EBF2: variants seen among roughly 807,000 people sequenced by gnomAD.
EBF2 encodes the protein EBF transcription factor 2, also known as transcription factor COE2.
A neutral mutation model predicts 72.8 loss-of-function variants in EBF2; 21 were observed. That is an observed-to-expected ratio of 0.29 (90% confidence interval 0.20 to 0.42). The LOEUF (loss-of-function observed/expected upper bound fraction) is 0.42, where lower values mean the gene tolerates loss of function less well. EBF2 is among the 10% of genes least tolerant of loss of function. EBF2 has a pLI of 1.00. For synonymous variants in EBF2, 299 were observed against 274.2 expected (o/e 1.09, Z -0.89); for missense variants, 637 against 731.2 (o/e 0.87, Z 1.49).
At chr8:25,881,250 C>A (rs1038318822) in intron 10 of EBF2, among the ~76,000 whole-genome samples, 3 of 152,242 alleles carry the variant, frequency 2.0e-5, no homozygotes, top group Admixed American at 1.3e-4. Flanking sequence ...AAAAAACAAG[C>A]CTTAATGTGA....
At chr8:25,965,083 A>C (rs1184682083) in intron 6 of EBF2, among the ~76,000 whole-genome samples, 1 of 152,214 alleles carries the variant, frequency 6.6e-6, no homozygotes, top group Non-Finnish European at 1.5e-5. Context: ...TTTGGTATTA[A>C]AACATATATA....
chr8:25,858,045 T>C, intron 14 of EBF2: 3 of 587,922 alleles, frequency 5.1e-6, no homozygotes, highest in Non-Finnish European at 9.6e-6. Context: ...TCTTAATTCC[T>C]TGCTTCCACT....
chr8:25,916,886 C>T (rs1361242426), intron 6 of EBF2, among the ~76,000 whole-genome samples: 1 of 152,160 alleles, frequency 6.6e-6, no homozygotes, highest in African/African-American at 2.4e-5. Context: ...AGAGCTCCTT[C>T]ATCACTCAAC....
chr8:25,858,179 G>A (rs750225397), intron 14 of EBF2, 140 bp downstream of exon 14: 95 of 1,066,498 alleles, frequency 8.9e-5, no homozygotes, highest in Non-Finnish European at 9.6e-5. Flanking sequence ...CGAAAGGCAG[G>A]AAGGATGCTT....
intron 6 of EBF2, among the ~76,000 whole-genome samples, chr8:25,928,355 C>A (rs1377650604): frequency 2.0e-5 from 3 of 152,130 alleles, no homozygotes; most frequent in Non-Finnish European, 4.4e-5. Context: ...AGCAAGAGAA[C>A]CCATGCAGAT....
intron 6 of EBF2, among the ~76,000 whole-genome samples, chr8:25,960,907 T>C (rs1030786467): frequency 6.6e-6 from 1 of 152,222 alleles, no homozygotes; most frequent in African/African-American, 2.4e-5. Context: ...TGGGTGAGAA[T>C]AATGCTACTG....
At chr8:25,878,298 CCTGCAGTGAAGCA>C (rs1415425360) in intron 10 of EBF2, among the ~76,000 whole-genome samples, 1 of 152,154 alleles carries the variant, frequency 6.6e-6, no homozygotes, top group Non-Finnish European at 1.5e-5. Flanking sequence ...GGAGCACTGT[CCTGCAGTGAAGCA>C]CTCCAGGCGT....
intron 7 of EBF2, among the ~76,000 whole-genome samples, chr8:25,891,361 G>A (rs906036250): frequency 4.6e-5 from 7 of 151,954 alleles, no homozygotes; most frequent in African/African-American, 1.4e-4. Flanking sequence ...CATCAGTTAC[G>A]CATGGCCATT....
intron 6 of EBF2, among the ~76,000 whole-genome samples, chr8:25,983,957 G>A (rs1307006130): frequency 1.3e-5 from 2 of 152,222 alleles, no homozygotes; most frequent in Non-Finnish European, 2.9e-5. Flanking sequence ...TTACAACTAA[G>A]CATTTCTTTA....
At chr8:25,883,352 CT>C (rs749861714) in intron 10 of EBF2, among the ~76,000 whole-genome samples, 1 of 152,046 alleles carries the variant, frequency 6.6e-6, no homozygotes, top group Non-Finnish European at 1.5e-5. Context: ...CATAGTGCCC[CT>C]ATAACCCTTT....
intron 6 of EBF2, among the ~76,000 whole-genome samples, chr8:25,985,780 G>A (rs773765823): frequency 2.4e-4 from 37 of 151,880 alleles, no homozygotes; most frequent in African/African-American, 4.3e-4. Flanking sequence ...CAGGCCGACC[G>A]CTTGAGCCCA....
intron 14 of EBF2, among the ~76,000 whole-genome samples, chr8:25,852,230 G>T (rs531430975): frequency 6.6e-6 from 1 of 152,254 alleles, no homozygotes; most frequent in Non-Finnish European, 1.5e-5. Flanking sequence ...AGGACACAGG[G>T]TTAAGCATGA....
chr8:25,960,275 T>C (rs576482030), intron 6 of EBF2, among the ~76,000 whole-genome samples: 23 of 152,328 alleles, frequency 1.5e-4, no homozygotes, highest in African/African-American at 5.5e-4. Context: ...AGTCTATTTC[T>C]AAAGAAATGG....
intron 6 of EBF2, among the ~76,000 whole-genome samples, chr8:25,955,502 A>C (rs1197531911): frequency 6.6e-6 from 1 of 152,228 alleles, no homozygotes; most frequent in African/African-American, 2.4e-5. Flanking sequence ...ACCACTATAA[A>C]AAATGTATAT....
intron 6 of EBF2, among the ~76,000 whole-genome samples, chr8:25,974,194 G>C (rs1454921016): frequency 6.6e-6 from 1 of 152,126 alleles, no homozygotes; most frequent in East Asian, 1.9e-4. Flanking sequence ...AGCACCAAGG[G>C]GAAGTGGCAC....
At chr8:25,851,167 C>T (rs1801961872) in intron 14 of EBF2, among the ~76,000 whole-genome samples, 1 of 151,804 alleles carries the variant, frequency 6.6e-6, no homozygotes, top group South Asian at 2.1e-4. Flanking sequence ...CGCTTTCACA[C>T]CCTACAAAAA....
intron 6 of EBF2, among the ~76,000 whole-genome samples, chr8:26,017,637 C>CA (rs1281950562): frequency 2.6e-5 from 4 of 152,086 alleles, no homozygotes; most frequent in African/African-American, 9.7e-5. Context: ...CCCATACAAC[C>CA]AAAAAATCTC....
At chr8:25,915,500 A>G (rs1803198535) in intron 6 of EBF2, among the ~76,000 whole-genome samples, 1 of 152,118 alleles carries the variant, frequency 6.6e-6, no homozygotes. Context: ...ATTTTAGAGG[A>G]CGCAAAGGAA....
chr8:25,959,266 G>A (rs574340730), intron 6 of EBF2, among the ~76,000 whole-genome samples: 8 of 152,298 alleles, frequency 5.3e-5, no homozygotes, highest in Admixed American at 1.3e-4. Flanking sequence ...GTGCAGTGGC[G>A]TGATCTCAGC....
Sources: allele counts gnomAD v4.1 joint callset (sites outside exome capture counted in the v4.1 genomes callset), GRCh38; gene constraint gnomAD v4.1.1; transcripts MANE v1.5; gene names NCBI Gene and HGNC (gene_info 2026-07-23, HGNC 2026-07-21).